Variants in TENM2 observed in about 807,000 individuals in gnomAD.
The protein encoded by TENM2 is teneurin-2.
A neutral mutation model predicts 245.2 loss-of-function variants in TENM2; 52 were observed. The observed-to-expected ratio is 0.21, with a 90% confidence interval of 0.17 to 0.27. TENM2 has a LOEUF of 0.27. TENM2 is among the 10% of genes least tolerant of loss of function. TENM2 has a pLI of 1.00. For missense variants in TENM2, 3,046 were observed against 3,666.8 expected, an observed-to-expected ratio of 0.83 and a Z score of 4.37; for synonymous variants, 1,363 against 1,438.9, an observed-to-expected ratio of 0.95 and a Z score of 1.19.
the TENM2 span, among the ~76,000 whole-genome samples, chr5:167,058,683 C>T: frequency 6.6e-6 from 1 of 152,116 alleles, no homozygotes; most frequent in South Asian, 2.1e-4. Flanking sequence ...CCCAGGAGTT[C>T]AAGGCTTCGG....
rs559644553 is a variant in TENM2 at position 168,058,520 on chromosome 5, A to G, written c.1310-3540A>G. Reference sequence around the variant, plus strand: ...AAAACAATTTTGTCTGGCTGAGGACAGTGGTTGGGGTGGTATTGTAAAGGA... The same window carrying G: ...AAAACAATTTTGTCTGGCTGAGGACGGTGGTTGGGGTGGTATTGTAAAGGA... On this transcript the variant is annotated intron_variant, in intron 6 of 28. Coordinates refer to ENST00000518659, the Ensembl canonical transcript of TENM2. Among the ~76,000 whole-genome samples the G allele has an allele frequency of 7.9e-5, 12 of 152,324 alleles. No homozygotes were observed. The South Asian group carries it at 2.3e-3, about 29-fold the overall frequency.
At chr5:167,317,739 C>T (rs569967978) in intron 1 of TENM2, among the ~76,000 whole-genome samples, 4 of 152,238 alleles carry the variant, frequency 2.6e-5, no homozygotes, top group Non-Finnish European at 5.9e-5. Flanking sequence ...ATTTCTGTGT[C>T]GGTTTCCTGT....
At chr5:167,734,735 A>C (rs893753403) in intron 2 of TENM2, among the ~76,000 whole-genome samples, 3 of 152,156 alleles carry the variant, frequency 2.0e-5, no homozygotes, top group Admixed American at 6.5e-5. Flanking sequence ...ATATGGGGGC[A>C]ATTAAACACT....
intron 9 of TENM2, among the ~76,000 whole-genome samples, chr5:168,105,113 C>G (rs1392645433): frequency 2.6e-5 from 4 of 152,064 alleles, no homozygotes; most frequent in African/African-American, 7.2e-5. Flanking sequence ...ATAAAATGTG[C>G]GTGTTATAAA....
chr5:168,195,896 C>T (rs533292579), intron 15 of TENM2, among the ~76,000 whole-genome samples: 4 of 152,146 alleles, frequency 2.6e-5, no homozygotes, highest in South Asian at 2.1e-4. Context: ...AACGTGTACC[C>T]GTTCAGCCTC....
chr5:167,369,662 C>CTA (rs34515705), intron 1 of TENM2, among the ~76,000 whole-genome samples: 48,223 of 151,832 alleles, frequency 0.32, 9,232 homozygotes, highest in African/African-American at 0.54. Flanking sequence ...TCATTCGTGA[C>CTA]TTTTCATGTT....
chr5:167,634,428 T>C (rs1290256430), intron 2 of TENM2, among the ~76,000 whole-genome samples: 5 of 152,138 alleles, frequency 3.3e-5, no homozygotes, highest in Non-Finnish European at 7.3e-5. Flanking sequence ...TATTTCTTGT[T>C]ATATCAAGCA....
At chr5:167,929,034 AAAG>A (rs1777997289) in intron 3 of TENM2, among the ~76,000 whole-genome samples, 1 of 144,728 alleles carries the variant, frequency 6.9e-6, no homozygotes, top group Admixed American at 7.0e-5. Flanking sequence ...GGAAAGAAAG[AAAG>A]AAAAGAAAAA....
rs1582533515 is a variant in TENM2, at chr5:167,609,515, A to AAAAAAAAG, written c.502+234044_502+234045insAAAAAGAA. Reference sequence around the variant, plus strand: ...AAAAAAAAAAAAAAAAAAAAAAACAAAACCTTACCTAGAAGGTTTTTTAGA... The same window carrying AAAAAAAAG: ...AAAAAAAAAAAAAAAAAAAAAAACAAAAAAAAAGAACCTTACCTAGAAGGTTTTTTAGA... On this transcript the variant is annotated intron_variant, in intron 2 of 28. Coordinates refer to ENST00000518659, the Ensembl canonical transcript of TENM2. 2.3e-3 allele frequency among the ~76,000 whole-genome samples: 199 copies of AAAAAAAAG among 87,814 alleles called. 3 individuals carry two copies. Among genetic ancestry groups the AAAAAAAAG allele is most frequent in the East Asian group, 0.014 (42 of 2,922 alleles). The allele number at this position is 87,814 out of a possible 152,430, so 57.6% of individuals were successfully genotyped here. A position where few individuals can be genotyped will look rare whatever the true frequency, so the allele number is the denominator to read the frequency against.
Position 168,156,972 on chromosome 5 carries a change from G to A in TENM2, c.2423-5639G>A, listed in dbSNP as rs147057503. Among the ~76,000 whole-genome samples the A allele has an allele frequency of 4.6e-3, 705 of 152,258 alleles. 8 individuals carry two copies. Among genetic ancestry groups the A allele is most frequent in the Middle Eastern group, 0.034 (10 of 294 alleles). On this transcript the variant is annotated intron_variant, in intron 12 of 28. Transcript: ENST00000518659. ...TTCAAAGTGTAGGTAATGACAACGG[G>A]CACATTTATTATGACACTTTTCCAG...
At chr5:167,187,903 A>G in the TENM2 span, among the ~76,000 whole-genome samples, 1 of 152,022 alleles carries the variant, frequency 6.6e-6, no homozygotes, top group Non-Finnish European at 1.5e-5. Flanking sequence ...CCCGAGCCAT[A>G]ACTTTTGAGG....
chr5:167,788,237 T>C (rs2150878462), intron 2 of TENM2, among the ~76,000 whole-genome samples: 2 of 152,290 alleles, frequency 1.3e-5, no homozygotes, highest in Middle Eastern at 6.8e-3. Context: ...CCCTCCTTCA[T>C]AGGATTTTTT....
At position 168,003,335 on chromosome 5, in the gene TENM2, ACACACACACACC is replaced by A. The variant is rs1294805201; in HGVS notation, c.1186+10155_1186+10166del. Reference sequence around the variant, plus strand: ...CACACACACACACACACACACACACACACACACACACCCCCAAAGCTGGCATAACTGTGAAGA... The same window carrying A: ...CACACACACACACACACACACACACACCCAAAGCTGGCATAACTGTGAAGA... On this transcript the variant is annotated intron_variant, in intron 5 of 28. Transcript: ENST00000518659. Among the ~76,000 whole-genome samples, 288 of 141,388 alleles carry A rather than the reference ACACACACACACC, an allele frequency of 2.0e-3. 1 individual carries two copies. The highest frequency in any genetic ancestry group is 6.8e-3 in the African/African-American group (256 of 37,684). 92.8% of individuals were successfully genotyped at this position (141,388 alleles called of 152,430 possible).
At chr5:167,565,972 A>G (rs1291669969) in intron 2 of TENM2, among the ~76,000 whole-genome samples, 1 of 152,120 alleles carries the variant, frequency 6.6e-6, no homozygotes, top group African/African-American at 2.4e-5. Flanking sequence ...GCCCCTTATT[A>G]TAGGGGATTT....
At chr5:167,734,140 A>G (rs1048510779) in intron 2 of TENM2, among the ~76,000 whole-genome samples, 1 of 152,178 alleles carries the variant, frequency 6.6e-6, no homozygotes, top group African/African-American at 2.4e-5. Flanking sequence ...AAATTACTGT[A>G]CCAAATGAAA....
chr5:167,510,957 AAG>A (rs549638116), intron 2 of TENM2, among the ~76,000 whole-genome samples: 135 of 151,300 alleles, frequency 8.9e-4, no homozygotes, highest in African/African-American at 3.2e-3. Flanking sequence ...AAATAAAAGA[AAG>A]AGAGAGAAAT....
the TENM2 span, among the ~76,000 whole-genome samples, chr5:167,052,215 C>G: frequency 1.3e-5 from 2 of 152,138 alleles, no homozygotes; most frequent in East Asian, 3.9e-4. Context: ...GAGAATACCT[C>G]AATAATATAA....
At chr5:167,687,920 C>T (rs1350694908) in intron 2 of TENM2, among the ~76,000 whole-genome samples, 2 of 152,178 alleles carry the variant, frequency 1.3e-5, no homozygotes, top group Non-Finnish European at 1.5e-5. Flanking sequence ...GAGAAATATG[C>T]TTCCAGGACT....
At chr5:168,131,127 A>C (rs1202570294) in intron 12 of TENM2, among the ~76,000 whole-genome samples, 2 of 152,284 alleles carry the variant, frequency 1.3e-5, no homozygotes, top group East Asian at 3.9e-4. Flanking sequence ...TCAAGGAGGG[A>C]TGCTACATGC....
Sources: allele counts gnomAD v4.1 joint callset (sites outside exome capture counted in the v4.1 genomes callset), GRCh38; gene constraint gnomAD v4.1.1; transcripts MANE v1.5; gene names NCBI Gene and HGNC (gene_info 2026-07-23, HGNC 2026-07-21).